RANBP3L: variants seen among roughly 807,000 people sequenced by gnomAD.
RANBP3L encodes ran-binding protein 3-like.
In RANBP3L, 56 loss-of-function variants were observed where a neutral mutation model predicts 67.2. The ratio of observed to expected loss-of-function variants is 0.83; its 90% confidence interval spans 0.67 to 1.04. The LOEUF is 1.04. Among genes scored for constraint, RANBP3L ranks in the 50% least tolerant of loss-of-function variants. The probability of loss-of-function intolerance (pLI) is 0.00; values close to 1 mark genes in which losing one functional copy is unlikely to be tolerated. For synonymous variants in RANBP3L, 164 were observed against 181.4 expected, an observed-to-expected ratio of 0.90 and a Z score of 0.77; for missense variants, 496 against 535.5, an observed-to-expected ratio of 0.93 and a Z score of 0.73.
At chr5:36,255,403 A>G in intron 11 of RANBP3L, 67 bp downstream of exon 11, 5 of 1,479,684 alleles carry the variant, frequency 3.4e-6, no homozygotes, top group South Asian at 1.2e-5. Context: ...ATGTGTACCT[A>G]TATTATTATA....
In RANBP3L at chr5:36,265,491, C is replaced by T; in HGVS notation, c.298G>A (p.Ala100Thr). The change falls in exon 5 of 14, where the codon GCT (alanine) becomes ACT (threonine). Residue 100 changes from alanine (A) to threonine (T), a missense_variant. Ala to Thr is a moderately conservative substitution (Grantham distance 58). Coordinates refer to ENST00000296604, the MANE Select transcript of RANBP3L (RefSeq NM_145000.5). The part of the protein sequence containing the change: ...VRKNNVFMTS[A>T]LVQSSVDIKS... ...ATATCAACACTACTTTGCACAAGAG[C>T]TGATGTCATAAAAACATTGTTTTTC... 6.2e-7 allele frequency: 1 copy of T among 1,605,478 alleles called. No individual in the cohort carries two copies. The highest frequency in any genetic ancestry group is 8.5e-7 in the Non-Finnish European group (1 of 1,173,912).
chr5:36,256,922 TA>T lies in RANBP3L; in HGVS notation c.903+18del. 6.2e-7 allele frequency: 1 copy of T among 1,601,878 alleles called. No individual in the cohort carries two copies. The highest frequency in any genetic ancestry group is 8.5e-7 in the Non-Finnish European group (1 of 1,173,510). Reference sequence around the variant, plus strand: ...AGTATGTAAATGCTACCAGAAAGAGTAAAACATGATATACAGACCTTTAACA... The same window carrying T: ...AGTATGTAAATGCTACCAGAAAGAGTAAACATGATATACAGACCTTTAACA... On this transcript the variant is annotated intron_variant, in intron 10 of 13. Coordinates refer to ENST00000296604, the MANE Select transcript of RANBP3L (RefSeq NM_145000.5).
At chr5:36,256,402 TGTA>T (rs148467916) in intron 10 of RANBP3L, among the ~76,000 whole-genome samples, 218 of 152,220 alleles carry the variant, frequency 1.4e-3, no homozygotes, top group African/African-American at 4.4e-3. Flanking sequence ...AGGGTAAAGT[TGTA>T]GTAATTACAT....
intron 10 of RANBP3L, among the ~76,000 whole-genome samples, chr5:36,255,938 CCT>C (rs1446697475): frequency 3.9e-5 from 6 of 152,020 alleles, no homozygotes; most frequent in South Asian, 2.1e-4. Flanking sequence ...AAATGTTCCC[CCT>C]CTTTTTTTCT....
chr5:36,264,982 T>C lies in RANBP3L; in HGVS notation c.457A>G (p.Thr153Ala), dbSNP rs569339369. Residue 153 changes from threonine (T) to alanine (A), a missense_variant, in exon 6 of 14, where the codon ACT becomes GCT. Transcript: ENST00000296604. ...ACCTTATTATTTGTTTTTTCTTTAG[T>C]CTTGCAAGATTCCAGTGCCTTGTGT... ...FGHKALESCK[T>A]KEKTNNKISE... The C allele has an allele frequency of 6.2e-7, 1 of 1,613,658 alleles. No homozygotes were observed. The highest frequency in any genetic ancestry group is 1.1e-5 in the South Asian group (1 of 90,856).
chr5:36,260,197 CA>C (rs35239153), intron 8 of RANBP3L, among the ~76,000 whole-genome samples: 11,112 of 139,746 alleles, frequency 0.08, 1,425 homozygotes, highest in African/African-American at 0.28. Flanking sequence ...ACTAAAAATA[CA>C]AAAAAAAAAA....
chr5:36,256,554 T>G (rs1052544935), intron 10 of RANBP3L, among the ~76,000 whole-genome samples: 4 of 152,144 alleles, frequency 2.6e-5, no homozygotes, highest in African/African-American at 7.2e-5. Flanking sequence ...AATTCTAAAC[T>G]TTTTTAGAAG....
intron 13 of RANBP3L, 42 bp from the exon 14 acceptor site, chr5:36,249,739 T>C (rs1748468656): frequency 1.3e-5 from 14 of 1,101,594 alleles, no homozygotes; most frequent in Admixed American, 2.1e-5. Flanking sequence ...CAATATTATA[T>C]TTAGGGTAGA....
At chr5:36,274,636 G>T (rs893214960) in intron 1 of RANBP3L, among the ~76,000 whole-genome samples, 3 of 152,162 alleles carry the variant, frequency 2.0e-5, no homozygotes, top group African/African-American at 7.2e-5. Context: ...GGCCTTGCAG[G>T]TTCTATCAGG....
At chr5:36,273,889 A>T (rs1750398014) in intron 1 of RANBP3L, among the ~76,000 whole-genome samples, 1 of 152,136 alleles carries the variant, frequency 6.6e-6, no homozygotes, top group African/African-American at 2.4e-5. Context: ...CTGCCTAAAG[A>T]TTTCCCTGTT....
intron 6 of RANBP3L, among the ~76,000 whole-genome samples, chr5:36,262,704 T>A (rs770317010): frequency 6.6e-6 from 1 of 152,158 alleles, no homozygotes; most frequent in Non-Finnish European, 1.5e-5. Flanking sequence ...TAAAGCCAGA[T>A]GGGTTATGTT....
intron 1 of RANBP3L, among the ~76,000 whole-genome samples, chr5:36,297,160 T>G (rs1457604758): frequency 2.6e-5 from 4 of 152,144 alleles, no homozygotes; most frequent in Admixed American, 6.6e-5. Context: ...ATATATTATA[T>G]GTGTTATATA....
At chr5:36,290,009 T>C (rs1751603716) in intron 1 of RANBP3L, among the ~76,000 whole-genome samples, 1 of 152,178 alleles carries the variant, frequency 6.6e-6, no homozygotes, top group Non-Finnish European at 1.5e-5. Flanking sequence ...TAGTGTTAGC[T>C]GCTGGGTTTC....
intron 1 of RANBP3L, among the ~76,000 whole-genome samples, chr5:36,275,764 G>A (rs1378762704): frequency 6.6e-6 from 1 of 152,056 alleles, no homozygotes; most frequent in Non-Finnish European, 1.5e-5. Flanking sequence ...AAGAAATACC[G>A]TGGTGTGTGG....
chr5:36,292,019 AGT>A (rs1318603455), intron 1 of RANBP3L, among the ~76,000 whole-genome samples: 1 of 134,218 alleles, frequency 7.5e-6, no homozygotes, highest in Non-Finnish European at 1.6e-5. Flanking sequence ...TCCCACCAAC[AGT>A]GTAAAAGTGT....
At position 36,259,151 on chromosome 5, in the gene RANBP3L, G is replaced by A. The variant is rs1337102354; in HGVS notation, c.670-1595C>T. Among the ~76,000 whole-genome samples, 12 of 152,288 alleles carry A rather than the reference G, an allele frequency of 7.9e-5. No individual in the cohort carries two copies. The South Asian group carries it at 2.5e-3, about 32-fold the overall frequency. On this transcript the variant is annotated intron_variant, in intron 8 of 13. Transcript: ENST00000296604. Reference sequence around the variant, plus strand: ...TACTGCCTGTAAATTCACCATGGAGGCTGGTCCATTTTGGTTCACATCCAA... The same window carrying A: ...TACTGCCTGTAAATTCACCATGGAGACTGGTCCATTTTGGTTCACATCCAA...
chr5:36,282,788 A>T (rs1751060592), intron 1 of RANBP3L, among the ~76,000 whole-genome samples: 1 of 151,900 alleles, frequency 6.6e-6, no homozygotes. Flanking sequence ...CCTCTAGGGA[A>T]CCCCCAGGAG....
At chr5:36,257,379 A>C (rs1290155880) in intron 9 of RANBP3L, 75 bp downstream of exon 9, 4 of 550,540 alleles carry the variant, frequency 7.3e-6, no homozygotes, top group Non-Finnish European at 1.2e-5. Flanking sequence ...CTTATATTAA[A>C]TATTAATGTT....
At chr5:36,292,376 T>G (rs1308136207) in intron 1 of RANBP3L, among the ~76,000 whole-genome samples, 1 of 151,950 alleles carries the variant, frequency 6.6e-6, no homozygotes, top group Non-Finnish European at 1.5e-5. Context: ...TGGTAGTTTC[T>G]TTTGCTGTGC....
Sources: allele counts gnomAD v4.1 joint callset (sites outside exome capture counted in the v4.1 genomes callset), GRCh38; gene constraint gnomAD v4.1.1; transcripts MANE v1.5; gene names NCBI Gene and HGNC (gene_info 2026-07-23, HGNC 2026-07-21).